MCUR1: variants seen among roughly 807,000 people sequenced by gnomAD.
MCUR1 encodes mitochondrial calcium uniporter regulator 1, also known as MCU regulator 1.
In MCUR1, 37 loss-of-function variants were observed where a neutral mutation model predicts 42.0. The observed-to-expected ratio is 0.88, with a 90% CI of 0.68 to 1.16. The LOEUF (loss-of-function observed/expected upper bound fraction) is 1.16. Ranked by LOEUF, MCUR1 falls within the 50% of genes most tolerant of loss-of-function variation. The probability of loss-of-function intolerance (pLI) is 0.00; values close to 1 mark genes in which losing one functional copy is unlikely to be tolerated. For synonymous variants in MCUR1, 229 were observed against 196.2 expected (o/e 1.17, Z -1.40); for missense variants, 469 against 468.4 (o/e 1.00, Z -0.01).
chr6:13,807,820 TC>T (rs1760145065), intron 1 of MCUR1, among the ~76,000 whole-genome samples: 1 of 152,216 alleles, frequency 6.6e-6, no homozygotes, highest in African/African-American at 2.4e-5. Context: ...ATTATAGTCA[TC>T]CTATTGGGCG....
At chr6:13,804,012 T>C (rs1188129494) in intron 2 of MCUR1, 11 of 974,612 alleles carry the variant, frequency 1.1e-5, no homozygotes, top group Middle Eastern at 5.2e-4. Context: ...AAAAAAGAGT[T>C]CATGTTTAAA....
At chr6:13,801,250 T>A in intron 4 of MCUR1, 38 bp downstream of exon 4, 1 of 1,318,048 alleles carries the variant, frequency 7.6e-7, no homozygotes, top group Non-Finnish European at 1.1e-6. Flanking sequence ...AATGTCTTAA[T>A]ATAATCAACT....
intron 1 of MCUR1, among the ~76,000 whole-genome samples, chr6:13,813,128 C>T (rs907940033): frequency 2.0e-5 from 3 of 152,222 alleles, no homozygotes; most frequent in Non-Finnish European, 4.4e-5. Flanking sequence ...GAGCACTAGC[C>T]TCTACCTGAT....
intron 5 of MCUR1, among the ~76,000 whole-genome samples, chr6:13,799,776 T>C (rs531919434): frequency 6.6e-6 from 1 of 151,884 alleles, no homozygotes; most frequent in Non-Finnish European, 1.5e-5. Flanking sequence ...TGCAGCACTT[T>C]AGAAAAACTT....
chr6:13,813,410 T>C (rs149819758), intron 1 of MCUR1, among the ~76,000 whole-genome samples: 480 of 152,284 alleles, frequency 3.2e-3, no homozygotes, highest in Non-Finnish European at 4.5e-3. Flanking sequence ...TATTTGTATA[T>C]ATAAATTATA....
chr6:13,813,788 C>A (rs751245826), intron 1 of MCUR1, among the ~76,000 whole-genome samples: 2 of 152,248 alleles, frequency 1.3e-5, no homozygotes, highest in African/African-American at 2.4e-5. Context: ...CCAACTTTAG[C>A]GCCCGGGATT....
At chr6:13,808,481 CAGA>C (rs1161945653) in intron 1 of MCUR1, among the ~76,000 whole-genome samples, 10 of 152,098 alleles carry the variant, frequency 6.6e-5, no homozygotes, top group African/African-American at 2.2e-4. Flanking sequence ...TTTTGAAGCA[CAGA>C]AGTTTACTTT....
At chr6:13,795,914 C>G (rs1354164298) in intron 6 of MCUR1, among the ~76,000 whole-genome samples, 3 of 152,176 alleles carry the variant, frequency 2.0e-5, no homozygotes, top group Non-Finnish European at 4.4e-5. Context: ...TAAAAAAAGA[C>G]TATAAGAACA....
In MCUR1 at chr6:13,808,674, T is replaced by G. The variant is rs748120144; in HGVS notation, c.416-1630A>C. 5.6e-4 allele frequency among the ~76,000 whole-genome samples: 86 copies of G among 152,322 alleles called. 1 individual carries two copies. The highest frequency in any genetic ancestry group is 4.6e-4 in the Non-Finnish European group (31 of 68,030). On this transcript the variant is annotated intron_variant, in intron 1 of 8. Coordinates refer to ENST00000379170, the MANE Select transcript of MCUR1 (RefSeq NM_001031713.4). ...TTACATTGAGGTCTTTTCCTCATTT[T>G]GGATTAGTGTTTTAAATGGTGTGTG...
At chr6:13,809,232 A>G (rs1237634473) in intron 1 of MCUR1, among the ~76,000 whole-genome samples, 1 of 152,234 alleles carries the variant, frequency 6.6e-6, no homozygotes, top group Non-Finnish European at 1.5e-5. Context: ...ATTCAGATCA[A>G]TGAACATGGA....
chr6:13,801,243 G>A, intron 4 of MCUR1, 45 bp downstream of exon 4: 1 of 1,256,682 alleles, frequency 8.0e-7, no homozygotes, highest in Non-Finnish European at 1.2e-6. Context: ...TTATCTCAAT[G>A]TCTTAATATA....
At chr6:13,802,471 G>A in intron 2 of MCUR1, 125 bp from the exon 3 acceptor site, 1 of 675,020 alleles carries the variant, frequency 1.5e-6, no homozygotes, top group South Asian at 1.9e-5. Context: ...AGGAGGCAGG[G>A]AGGAGGGTAC....
chr6:13,788,525 CCAT>C lies in MCUR1; in HGVS notation c.*2281_*2283del, dbSNP rs1463788071. 1 of 152,152 alleles carries C rather than the reference CCAT, an allele frequency of 6.6e-6. No homozygotes were observed. Among genetic ancestry groups the C allele is most frequent in the Non-Finnish European group, 1.5e-5 (1 of 68,042 alleles). The allele number at this position is 152,152 out of a possible 1,614,324, so 9.4% of individuals were successfully genotyped here. ...TAGCAGATGCAAAAATGTCAACCCA[CCAT>C]GTTATTTAAAAAAAAATTTTATCAG... is the stretch of plus-strand genomic sequence containing the variant. On this transcript the variant is annotated 3_prime_UTR_variant, in exon 9 of 9. Transcript: ENST00000379170.
intron 6 of MCUR1, among the ~76,000 whole-genome samples, chr6:13,797,708 A>G (rs1759889085): frequency 6.7e-6 from 1 of 148,432 alleles, no homozygotes; most frequent in Non-Finnish European, 1.5e-5. Context: ...ACTCCGCCTC[A>G]AACAAAAACA....
chr6:13,810,101 G>A (rs1020706611), intron 1 of MCUR1, among the ~76,000 whole-genome samples: 7 of 151,954 alleles, frequency 4.6e-5, no homozygotes, highest in Non-Finnish European at 8.8e-5. Context: ...TACTCGGGAG[G>A]CTGAGGCAAG....
rs1446073642 is a variant in MCUR1 at position 13,789,179 on chromosome 6, A to G, written c.*1630T>C. On this transcript the variant is annotated 3_prime_UTR_variant, in exon 9 of 9. Transcript: ENST00000379170. ...CTACTTTGGGAGACCAAGGCGGGTG[A>G]ATCACGAGGTCAGGAGTTAGAGACC... 3 of 152,252 alleles carry G rather than the reference A, an allele frequency of 2.0e-5. No homozygotes were observed. The highest frequency in any genetic ancestry group is 1.3e-4 in the Admixed American group (2 of 15,286). 9.4% of individuals were successfully genotyped at this position (152,252 alleles called of 1,614,324 possible).
intron 5 of MCUR1, among the ~76,000 whole-genome samples, chr6:13,799,827 CTTTTTTTTTT>C (rs542304036): frequency 2.1e-5 from 2 of 96,212 alleles, no homozygotes; most frequent in African/African-American, 7.4e-5. Flanking sequence ...ACACAATTTT[CTTTTTTTTTT>C]TTTTTTTTTT....
At chr6:13,801,423 C>G in intron 3 of MCUR1, 34 bp from the exon 4 acceptor site, 1 of 1,487,232 alleles carries the variant, frequency 6.7e-7, no homozygotes, top group Non-Finnish European at 9.3e-7. Flanking sequence ...ATAATCTAGT[C>G]TACCCTAAAA....
intron 8 of MCUR1, among the ~76,000 whole-genome samples, chr6:13,791,627 AG>A (rs1367666681): frequency 2.0e-5 from 3 of 152,240 alleles, no homozygotes; most frequent in Non-Finnish European, 4.4e-5. Flanking sequence ...GTTCAATTAT[AG>A]TATCTTATCA....
Sources: gnomAD v4.1 joint callset for allele counts (sites outside exome capture counted in the v4.1 genomes callset) on GRCh38, gnomAD v4.1.1 for gene constraint, MANE v1.5 for transcripts, NCBI Gene and HGNC (gene_info 2026-07-23, HGNC 2026-07-21) for gene names.